Variants in BCAS4 observed in about 807,000 individuals in gnomAD.
BCAS4 encodes the protein breast carcinoma-amplified sequence 4.
Under a neutral mutation model 15.7 loss-of-function variants are expected in BCAS4, and 9 were observed. The observed-to-expected ratio is 0.57, with a 90% CI of 0.34 to 1.00. The LOEUF is 1.00. BCAS4 is among the 50% of genes least tolerant of loss of function. The pLI is 0.02. For missense variants in BCAS4, 225 were observed against 239.1 expected, an observed-to-expected ratio of 0.94 and a Z score of 0.39; for synonymous variants, 101 against 99.5, an observed-to-expected ratio of 1.02 and a Z score of -0.09.
At chr20:50,867,850 G>T (rs999328986) in intron 4 of BCAS4, among the ~76,000 whole-genome samples, 7 of 152,200 alleles carry the variant, frequency 4.6e-5, no homozygotes, top group African/African-American at 1.7e-4. Context: ...GGAGGCAGAG[G>T]TTGCAGCAAG....
At chr20:50,872,236 C>G (rs1979680862) in intron 4 of BCAS4, among the ~76,000 whole-genome samples, 1 of 132,840 alleles carries the variant, frequency 7.5e-6, no homozygotes, top group Non-Finnish European at 1.5e-5. Flanking sequence ...TGCATTCCAG[C>G]CTGGGCAACA....
intron 1 of BCAS4, among the ~76,000 whole-genome samples, chr20:50,799,809 A>C (rs1356875982): frequency 1.3e-5 from 2 of 152,144 alleles, no homozygotes; most frequent in African/African-American, 4.8e-5. Context: ...TAATCCTAGC[A>C]CTTTGGGAGG....
chr20:50,852,856 T>G (rs1978514771), intron 4 of BCAS4, among the ~76,000 whole-genome samples: 1 of 152,182 alleles, frequency 6.6e-6, no homozygotes, highest in Admixed American at 6.5e-5. Context: ...ACCCAGGACA[T>G]GAACTCGTGG....
chr20:50,854,267 G>A (rs377136993), intron 4 of BCAS4, among the ~76,000 whole-genome samples: 1 of 152,122 alleles, frequency 6.6e-6, no homozygotes, highest in African/African-American at 2.4e-5. Flanking sequence ...TGTGAAATGG[G>A]TGGCAGTTCT....
intron 1 of BCAS4, among the ~76,000 whole-genome samples, chr20:50,800,786 C>T (rs1284252636): frequency 6.6e-6 from 1 of 152,008 alleles, no homozygotes; most frequent in Non-Finnish European, 1.5e-5. Context: ...GCTCTCGAAC[C>T]TGTGACCTCA....
At chr20:50,880,629 C>G (rs1468059341), downstream of BCAS4, 1 of 152,116 alleles carries the variant, frequency 6.6e-6, no homozygotes, top group Admixed American at 6.6e-5. Flanking sequence ...CAGTCTTTTT[C>G]TTTTGTGGCT....
chr20:50,795,156 C>A lies in BCAS4; in HGVS notation c.73C>A (p.Pro25Thr). The A allele has an allele frequency of 6.8e-7, 1 of 1,462,924 alleles. No homozygotes were observed. Among genetic ancestry groups the A allele is most frequent in the Non-Finnish European group, 9.1e-7 (1 of 1,103,106 alleles). 90.6% of individuals were successfully genotyped at this position (1,462,924 alleles called of 1,614,324 possible). ...GARELALFLT[P>T]EPGAEAKEVE... The stretch of plus-strand genomic sequence containing the variant: ...GCGCGAGCTCGCGCTCTTCCTGACC[C>A]CCGAGCCTGGGGCCGAGGTAGGGGA... The change falls in exon 1 of 5, where the codon CCC becomes ACC. Residue 25 changes from proline to threonine, a missense_variant. Transcript: ENST00000371608.
intron 4 of BCAS4, among the ~76,000 whole-genome samples, chr20:50,857,001 T>A (rs1033208830): frequency 6.6e-6 from 1 of 152,258 alleles, no homozygotes; most frequent in African/African-American, 2.4e-5. Context: ...TGAATGCATT[T>A]AATTACTTAA....
At chr20:50,820,240 T>C (rs1234854802) in intron 2 of BCAS4, among the ~76,000 whole-genome samples, 1 of 152,104 alleles carries the variant, frequency 6.6e-6, no homozygotes, top group Admixed American at 6.5e-5. Flanking sequence ...CCCCAGTGTA[T>C]GTGGGGAGAC....
chr20:50,836,048 G>A (rs934454681), intron 3 of BCAS4, among the ~76,000 whole-genome samples: 3 of 152,024 alleles, frequency 2.0e-5, no homozygotes, highest in African/African-American at 7.3e-5. Flanking sequence ...CTCCTGAGTA[G>A]CTGGGATTAC....
chr20:50,818,954 G>A lies in BCAS4; in HGVS notation c.162+672G>A, dbSNP rs186702363. On this transcript the variant is annotated intron_variant, in intron 2 of 4. Transcript: ENST00000371608. Reference sequence around the variant, plus strand: ...TCCCAGCACTTTGGGAGGCCAAAGCGGGCAGATCACTTGAGGTCAGGAGTT... The same window carrying A: ...TCCCAGCACTTTGGGAGGCCAAAGCAGGCAGATCACTTGAGGTCAGGAGTT... Among the ~76,000 whole-genome samples, 952 of 152,224 alleles carry A rather than the reference G, an allele frequency of 6.3e-3. 12 individuals are homozygous for A. The highest frequency in any genetic ancestry group is 0.022 in the African/African-American group (914 of 41,538).
intron 2 of BCAS4, among the ~76,000 whole-genome samples, chr20:50,822,432 A>G (rs1368571256): frequency 6.6e-6 from 1 of 152,214 alleles, no homozygotes; most frequent in Non-Finnish European, 1.5e-5. Context: ...CACTACAAAT[A>G]GTTTCCATCT....
rs868412456 is a variant in BCAS4 at position 50,817,704 on chromosome 20, C to T, written c.91-507C>T. Among the ~76,000 whole-genome samples the T allele has an allele frequency of 6.6e-5, 10 of 152,102 alleles. No individual in the cohort carries two copies. The Middle Eastern group carries it at 0.01, about 155-fold the overall frequency. Reference sequence around the variant, plus strand: ...CTCAAACTCCTGACCTCAGGTGATCCGCCCGCCTCACACATTTTTTTTGGT... The same window carrying T: ...CTCAAACTCCTGACCTCAGGTGATCTGCCCGCCTCACACATTTTTTTTGGT... On this transcript the variant is annotated intron_variant, in intron 1 of 4. Coordinates refer to ENST00000371608, the MANE Select transcript of BCAS4 (RefSeq NM_198799.4).
intron 4 of BCAS4, among the ~76,000 whole-genome samples, chr20:50,866,959 G>A (rs553395123): frequency 6.6e-5 from 10 of 152,276 alleles, no homozygotes; most frequent in African/African-American, 1.7e-4. Flanking sequence ...TAAATGCTCC[G>A]TTCTCGGTCA....
At chr20:50,820,644 C>T in intron 2 of BCAS4, among the ~76,000 whole-genome samples, 1 of 152,162 alleles carries the variant, frequency 6.6e-6, no homozygotes, top group Non-Finnish European at 1.5e-5. Context: ...CAGCATCAGC[C>T]TGAAGAGGGC....
chr20:50,841,664 C>A, intron 3 of BCAS4, 102 bp from the exon 4 acceptor site: 1 of 1,513,674 alleles, frequency 6.6e-7, no homozygotes. Flanking sequence ...AGGCTGGTCG[C>A]AGTGATGAAA....
intron 2 of BCAS4, among the ~76,000 whole-genome samples, chr20:50,829,049 A>C: frequency 6.6e-6 from 1 of 152,112 alleles, no homozygotes; most frequent in Non-Finnish European, 1.5e-5. Context: ...GGTAGAGCTA[A>C]ATTTAAACAC....
intron 4 of BCAS4, among the ~76,000 whole-genome samples, chr20:50,863,714 G>C (rs1223400671): frequency 6.6e-6 from 1 of 152,158 alleles, no homozygotes; most frequent in African/African-American, 2.4e-5. Context: ...GCCAGCTGTT[G>C]GTATGGGATA....
At chr20:50,824,581 T>C (rs1352908413) in intron 2 of BCAS4, among the ~76,000 whole-genome samples, 3 of 152,248 alleles carry the variant, frequency 2.0e-5, no homozygotes, top group South Asian at 2.1e-4. Flanking sequence ...GGCGTGCAAA[T>C]GTAAACACCT....
Sources: allele counts gnomAD v4.1 joint callset (sites outside exome capture counted in the v4.1 genomes callset), GRCh38; gene constraint gnomAD v4.1.1; transcripts MANE v1.5; gene names NCBI Gene and HGNC (gene_info 2026-07-23, HGNC 2026-07-21).